Variants in RBFOX2 observed in about 807,000 individuals in gnomAD.
The protein encoded by RBFOX2 is RNA binding fox-1 homolog 2.
In RBFOX2, 10 loss-of-function variants were observed where a neutral mutation model predicts 49.1. The ratio of observed to expected loss-of-function variants is 0.20; its 90% CI spans 0.13 to 0.35. The LOEUF (loss-of-function observed/expected upper bound fraction) is 0.35, where lower values mean the gene tolerates loss of function less well. Among genes scored for constraint, RBFOX2 ranks in the 10% least tolerant of loss-of-function variants. The pLI is 1.00. For missense variants in RBFOX2, 323 were observed against 486.9 expected (o/e 0.66, Z 3.17); for synonymous variants, 183 against 187.4 (o/e 0.98, Z 0.19).
At chr22:35,855,112 G>A (rs1330120413) in intron 1 of RBFOX2, among the ~76,000 whole-genome samples, 1 of 152,002 alleles carries the variant, frequency 6.6e-6, no homozygotes, top group African/African-American at 2.4e-5. Flanking sequence ...TTTCAACTCA[G>A]AAATTACTCC....
At chr22:35,987,020 C>A (rs1398723758) in intron 1 of RBFOX2, among the ~76,000 whole-genome samples, 1 of 151,580 alleles carries the variant, frequency 6.6e-6, no homozygotes, top group South Asian at 2.1e-4. Flanking sequence ...GGTAAACAGT[C>A]CAAACTGTTT....
intron 1 of RBFOX2, among the ~76,000 whole-genome samples, chr22:35,902,758 C>T (rs2048727436): frequency 1.3e-5 from 2 of 151,790 alleles, no homozygotes; most frequent in South Asian, 2.1e-4. Context: ...TATTCTCCCA[C>T]CTCAGCCTCC....
chr22:35,914,631 T>C (rs575354858), intron 1 of RBFOX2, among the ~76,000 whole-genome samples: 3 of 152,302 alleles, frequency 2.0e-5, no homozygotes, highest in South Asian at 2.1e-4. Context: ...GTGATTCAGA[T>C]ACCTAAGAGT....
chr22:35,746,108 G>A (rs1350102008), intron 10 of RBFOX2, 113 bp from the exon 13 acceptor site: 7 of 915,930 alleles, frequency 7.6e-6, no homozygotes, highest in African/African-American at 1.7e-5. Context: ...ATTATCATAA[G>A]GAAACTGGAA....
intron 6 of RBFOX2, among the ~76,000 whole-genome samples, chr22:35,764,209 G>A (rs1473547050): frequency 6.6e-6 from 1 of 152,160 alleles, no homozygotes; most frequent in African/African-American, 2.4e-5. Context: ...ATGGGATATA[G>A]TCAATACGGA....
intron 9 of RBFOX2, chr22:35,746,976 G>C (rs1325943259): frequency 6.5e-6 from 1 of 154,426 alleles, no homozygotes; most frequent in Non-Finnish European, 1.4e-5. Context: ...TGTATGTGTT[G>C]ACTTCAGATT....
intron 1 of RBFOX2, chr22:36,000,596 GAAAA>G (rs1035496239): frequency 1.3e-5 from 2 of 150,004 alleles, no homozygotes; most frequent in African/African-American, 4.9e-5. Context: ...AATGAAGAAA[GAAAA>G]AAAAAGAGAG....
chr22:35,906,861 T>C (rs889631550), intron 1 of RBFOX2, among the ~76,000 whole-genome samples: 20 of 152,094 alleles, frequency 1.3e-4, no homozygotes, highest in Admixed American at 1.2e-3. Flanking sequence ...TTCTATACCA[T>C]TTGAATTTCC....
intron 1 of RBFOX2, among the ~76,000 whole-genome samples, chr22:35,960,020 AT>A (rs959767072): frequency 5.9e-5 from 9 of 151,898 alleles, no homozygotes; most frequent in South Asian, 2.1e-4. Flanking sequence ...TTGCATTGTT[AT>A]TTTTTTTCTG....
upstream of RBFOX2, among the ~76,000 whole-genome samples, chr22:35,844,206 TA>T (rs2148893690): frequency 6.6e-6 from 1 of 152,318 alleles, no homozygotes; most frequent in South Asian, 2.1e-4. Context: ...CCATGGTACA[TA>T]ACGGTTGGAG....
chr22:35,887,318 A>G (rs1416990629), intron 1 of RBFOX2, among the ~76,000 whole-genome samples: 1 of 152,106 alleles, frequency 6.6e-6, no homozygotes, highest in African/African-American at 2.4e-5. Context: ...CTGAACAACT[A>G]CAATGGTAAC....
intron 2 of RBFOX2, among the ~76,000 whole-genome samples, chr22:35,792,034 T>C (rs1370701520): frequency 1.3e-5 from 2 of 152,046 alleles, no homozygotes; most frequent in Non-Finnish European, 2.9e-5. Context: ...TAGGCAACTA[T>C]TGCTGGGTGT....
At chr22:35,803,128 G>A (rs1950075463) in intron 2 of RBFOX2, among the ~76,000 whole-genome samples, 2 of 150,148 alleles carry the variant, frequency 1.3e-5, no homozygotes, top group South Asian at 4.2e-4. Flanking sequence ...CATAGTTTAA[G>A]TATGGGCAAA....
intron 9 of RBFOX2, among the ~76,000 whole-genome samples, chr22:35,756,561 G>A (rs748028697): frequency 4.6e-5 from 7 of 152,170 alleles, no homozygotes; most frequent in Non-Finnish European, 8.8e-5. Flanking sequence ...GGGTAGGGGT[G>A]AAGAGGAGTT....
chr22:35,878,603 A>G (rs1275976995), intron 1 of RBFOX2, among the ~76,000 whole-genome samples: 1 of 152,114 alleles, frequency 6.6e-6, no homozygotes, highest in Non-Finnish European at 1.5e-5. Flanking sequence ...AACCCTGGCT[A>G]ATTTTTAAAC....
At chr22:35,931,295 C>G (rs1329781491) in intron 1 of RBFOX2, among the ~76,000 whole-genome samples, 1 of 122,046 alleles carries the variant, frequency 8.2e-6, no homozygotes, top group African/African-American at 3.1e-5. Context: ...AATTTAAGAG[C>G]AAAGCAAAAG....
chr22:35,867,342 A>G (rs1419515133), intron 1 of RBFOX2, among the ~76,000 whole-genome samples: 1 of 152,226 alleles, frequency 6.6e-6, no homozygotes, highest in East Asian at 1.9e-4. Flanking sequence ...ATCCAGAATA[A>G]TATGAGTACA....
At chr22:35,793,059 T>C (rs973177891) in intron 2 of RBFOX2, among the ~76,000 whole-genome samples, 13 of 152,206 alleles carry the variant, frequency 8.5e-5, no homozygotes. Context: ...CCACCATGCC[T>C]AGCTAAGCAT....
chr22:35,988,923 C>T (rs1486530212), intron 1 of RBFOX2, among the ~76,000 whole-genome samples: 1 of 152,228 alleles, frequency 6.6e-6, no homozygotes, highest in Non-Finnish European at 1.5e-5. Context: ...GGCATAGTGG[C>T]TCATGCCTGT....
Sources: allele counts gnomAD v4.1 joint callset (sites outside exome capture counted in the v4.1 genomes callset), GRCh38; gene constraint gnomAD v4.1.1; transcripts MANE v1.5; gene names NCBI Gene and HGNC (gene_info 2026-07-23, HGNC 2026-07-21).